Variants in NOVA1 observed in about 807,000 individuals in gnomAD.
NOVA1 encodes the protein NOVA alternative splicing regulator 1, also known as RNA-binding protein Nova-1.
Under a neutral mutation model 38.0 loss-of-function variants are expected in NOVA1, and 7 were observed. That is an observed-to-expected ratio of 0.18 (90% confidence interval 0.10 to 0.35). NOVA1 has a LOEUF of 0.35. Among genes scored for constraint, NOVA1 ranks in the 10% least tolerant of loss-of-function variants. NOVA1 has a pLI of 1.00. For missense variants in NOVA1, 460 were observed against 616.0 expected (o/e 0.75, Z 2.68); for synonymous variants, 270 against 232.5 (o/e 1.16, Z -1.47).
intron 2 of NOVA1, among the ~76,000 whole-genome samples, chr14:26,591,440 C>T (rs1481786290): frequency 6.6e-6 from 1 of 151,618 alleles, no homozygotes; most frequent in Non-Finnish European, 1.5e-5. Context: ...ATTTTCTGTA[C>T]TTGTTACAGT....
chr14:26,578,790 C>T (rs927544104), intron 2 of NOVA1, among the ~76,000 whole-genome samples: 7 of 152,054 alleles, frequency 4.6e-5, no homozygotes, highest in African/African-American at 1.2e-4. Flanking sequence ...CTCAAAACCA[C>T]ACCCTAATAT....
At chr14:26,531,529 C>G (rs1343508692) in intron 2 of NOVA1, among the ~76,000 whole-genome samples, 1 of 152,126 alleles carries the variant, frequency 6.6e-6, no homozygotes, top group East Asian at 1.9e-4. Flanking sequence ...ATTGCTTGAA[C>G]CCAGGTGGTG....
In NOVA1 at chr14:26,446,203, T is replaced by G. The variant is rs1882054229; in HGVS notation, c.*1756A>C. The G allele has an allele frequency of 6.6e-6, 1 of 150,570 alleles. No individual in the cohort carries two copies. The highest frequency in any genetic ancestry group is 2.1e-4 in the South Asian group (1 of 4,778). The allele number at this position is 150,570 out of a possible 1,614,324, so 9.3% of individuals were successfully genotyped here. A position where few individuals can be genotyped will look rare whatever the true frequency, so the allele number is the denominator to read the frequency against. On this transcript the variant is annotated 3_prime_UTR_variant, in exon 5 of 5. Coordinates refer to ENST00000539517, the MANE Select transcript of NOVA1 (RefSeq NM_002515.3). ...ACTCTTACAGTTTGACAGAAATGAA[T>G]TATTAATAGTGGAAGGGGAAGGGAT...
chr14:26,509,676 C>T (rs1448950109), intron 2 of NOVA1, among the ~76,000 whole-genome samples: 1 of 152,038 alleles, frequency 6.6e-6, no homozygotes, highest in Non-Finnish European at 1.5e-5. Context: ...GGCTTTTATT[C>T]ATGCATATGG....
At chr14:26,470,288 G>C (rs1043383737) in intron 4 of NOVA1, 2 of 1,343,972 alleles carry the variant, frequency 1.5e-6, no homozygotes, top group African/African-American at 2.9e-5. Flanking sequence ...CTATTGACAA[G>C]AAACAAATGA....
intron 2 of NOVA1, among the ~76,000 whole-genome samples, chr14:26,484,354 C>T (rs542785860): frequency 3.6e-5 from 5 of 137,182 alleles, no homozygotes; most frequent in South Asian, 4.7e-4. Context: ...GAGAATGACG[C>T]GAACCCGTGA....
At chr14:26,586,506 G>T (rs1893521297) in intron 2 of NOVA1, among the ~76,000 whole-genome samples, 1 of 150,934 alleles carries the variant, frequency 6.6e-6, no homozygotes, top group Non-Finnish European at 1.5e-5. Flanking sequence ...TTTTATAAAA[G>T]TCATAAAAAC....
chr14:26,496,440 G>A (rs1886792202), intron 2 of NOVA1, among the ~76,000 whole-genome samples: 1 of 151,932 alleles, frequency 6.6e-6, no homozygotes, highest in Admixed American at 6.6e-5. Context: ...CCATTCTGTA[G>A]GTTGCCTGTT....
intron 2 of NOVA1, chr14:26,593,458 T>C (rs935071732): frequency 4.6e-5 from 7 of 151,910 alleles, no homozygotes; most frequent in Non-Finnish European, 1.5e-5. Flanking sequence ...TCTTATAAAC[T>C]ACGAGGCTTT....
At chr14:26,509,749 G>A (rs1887914983) in intron 2 of NOVA1, among the ~76,000 whole-genome samples, 3 of 152,152 alleles carry the variant, frequency 2.0e-5, no homozygotes, top group African/African-American at 4.8e-5. Context: ...GGCATGATCT[G>A]GGCTCACTGC....
chr14:26,592,381 G>A (rs1472404400), intron 2 of NOVA1, among the ~76,000 whole-genome samples: 1 of 150,714 alleles, frequency 6.6e-6, no homozygotes, highest in Non-Finnish European at 1.5e-5. Context: ...AATCAAATTG[G>A]CTTGCTCTAA....
chr14:26,488,007 C>G (rs1294188256), intron 2 of NOVA1, among the ~76,000 whole-genome samples: 1 of 152,050 alleles, frequency 6.6e-6, no homozygotes. Flanking sequence ...CTTCCTCCTA[C>G]CCTACAATTA....
At chr14:26,560,971 A>G (rs1034346193) in intron 2 of NOVA1, among the ~76,000 whole-genome samples, 1 of 152,188 alleles carries the variant, frequency 6.6e-6, no homozygotes, top group African/African-American at 2.4e-5. Flanking sequence ...ACAGCAGAAG[A>G]CAACATGGTA....
rs541111736 is a variant in NOVA1, at chr14:26,559,232, A to G, written c.280+36178T>C. Among the ~76,000 whole-genome samples, 550 of 152,256 alleles carry G rather than the reference A, an allele frequency of 3.6e-3. 6 individuals are homozygous for G. The highest frequency in any genetic ancestry group is 0.012 in the African/African-American group (506 of 41,564). On this transcript the variant is annotated intron_variant, in intron 2 of 4. Transcript: ENST00000539517. ...TTCCTAAAAAGAGAAATAGTAATCA[A>G]GTTTAGAAAAATATAAAATATACTG...
At chr14:26,449,643 G>C (rs1233798729) in intron 4 of NOVA1, among the ~76,000 whole-genome samples, 1 of 151,984 alleles carries the variant, frequency 6.6e-6, no homozygotes, top group Non-Finnish European at 1.5e-5. Flanking sequence ...ATGGCTTGGG[G>C]TAGATTAACC....
intron 2 of NOVA1, among the ~76,000 whole-genome samples, chr14:26,532,005 C>T (rs938861091): frequency 2.0e-5 from 3 of 152,128 alleles, no homozygotes; most frequent in South Asian, 2.1e-4. Flanking sequence ...GATACAATTA[C>T]GCAAATTACA....
intron 1 of NOVA1, 84 bp downstream of exon 1, chr14:26,597,217 A>AGGAG (rs1485324738): frequency 2.3e-6 from 2 of 878,416 alleles, no homozygotes; most frequent in African/African-American, 5.5e-5. Context: ...GAGGGAGGGA[A>AGGAG]GGAGGGAGGG....
At chr14:26,511,520 C>T (rs1339184921) in intron 2 of NOVA1, among the ~76,000 whole-genome samples, 1 of 152,098 alleles carries the variant, frequency 6.6e-6, no homozygotes, top group Non-Finnish European at 1.5e-5. Context: ...GTAATCCCAG[C>T]ACTATGGGAG....
At chr14:26,529,166 C>T (rs558155075) in intron 2 of NOVA1, among the ~76,000 whole-genome samples, 1 of 150,364 alleles carries the variant, frequency 6.7e-6, no homozygotes, top group East Asian at 2.0e-4. Flanking sequence ...TAGACAGAAT[C>T]TCGCTCTGTC....
Sources: allele counts gnomAD v4.1 joint callset (sites outside exome capture counted in the v4.1 genomes callset), GRCh38; gene constraint gnomAD v4.1.1; transcripts MANE v1.5; gene names NCBI Gene and HGNC (gene_info 2026-07-23, HGNC 2026-07-21).